The following RHOBTB1 variants were observed in gnomAD, a reference collection of about 807,000 sequenced individuals.
The protein encoded by RHOBTB1 is rho-related BTB domain-containing protein 1.
Under a neutral mutation model 71.6 loss-of-function variants are expected in RHOBTB1, and 40 were observed. The ratio of observed to expected loss-of-function variants is 0.56; its 90% confidence interval spans 0.43 to 0.73. RHOBTB1 has a LOEUF of 0.73. RHOBTB1 is among the 30% of genes least tolerant of loss of function. The pLI, the probability that RHOBTB1 is intolerant of heterozygous loss-of-function variation, is 0.00. For missense variants in RHOBTB1, 797 were observed against 894.0 expected, an observed-to-expected ratio of 0.89 and a Z score of 1.38; for synonymous variants, 319 against 334.9, an observed-to-expected ratio of 0.95 and a Z score of 0.52.
intron 2 of RHOBTB1, among the ~76,000 whole-genome samples, chr10:60,922,189 G>T (rs953514770): frequency 1.1e-4 from 16 of 151,968 alleles, no homozygotes; most frequent in Non-Finnish European, 1.9e-4. Context: ...TCACTACTTC[G>T]CTGGAAAAGA....
At chr10:60,960,081 C>G (rs2085726852) in intron 2 of RHOBTB1, among the ~76,000 whole-genome samples, 1 of 152,106 alleles carries the variant, frequency 6.6e-6, no homozygotes, top group Non-Finnish European at 1.5e-5. Flanking sequence ...GTGTATCCTG[C>G]CTATCATCAC....
At chr10:60,943,545 G>C (rs1778446972) in intron 1 of RHOBTB1, among the ~76,000 whole-genome samples, 1 of 152,172 alleles carries the variant, frequency 6.6e-6, no homozygotes, top group Non-Finnish European at 1.5e-5. Context: ...TCAAGAGGGT[G>C]CAAGCGCCAA....
intron 7 of RHOBTB1, among the ~76,000 whole-genome samples, chr10:60,882,833 C>T (rs191039152): frequency 2.1e-4 from 32 of 152,164 alleles, no homozygotes; most frequent in South Asian, 4.2e-4. Flanking sequence ...TAGAGCTTTC[C>T]GGGGACAAAT....
chr10:60,935,066 C>T (rs1266995052), intron 2 of RHOBTB1, among the ~76,000 whole-genome samples: 1 of 152,122 alleles, frequency 6.6e-6, no homozygotes, highest in Non-Finnish European at 1.5e-5. Flanking sequence ...CTATCCAAAA[C>T]AGCCAACAAC....
downstream of RHOBTB1, among the ~76,000 whole-genome samples, chr10:60,868,560 A>G (rs2080653802): frequency 6.6e-6 from 1 of 152,202 alleles, no homozygotes; most frequent in South Asian, 2.1e-4. Flanking sequence ...GCATGAAAAA[A>G]TCTCTTAGAA....
intron 1 of RHOBTB1, among the ~76,000 whole-genome samples, chr10:60,999,694 A>G (rs1172810003): frequency 3.9e-5 from 6 of 152,240 alleles, no homozygotes; most frequent in African/African-American, 1.2e-4. Flanking sequence ...GCCAAGAGGC[A>G]TATTTCATGG....
chr10:60,953,108 A>G (rs1396431171), intron 2 of RHOBTB1, among the ~76,000 whole-genome samples: 1 of 152,210 alleles, frequency 6.6e-6, no homozygotes, highest in African/African-American at 2.4e-5. Flanking sequence ...GTCATGCGGA[A>G]AAACACACAG....
At chr10:60,971,567 C>T (rs980744420) in intron 2 of RHOBTB1, among the ~76,000 whole-genome samples, 3 of 152,022 alleles carry the variant, frequency 2.0e-5, no homozygotes, top group Non-Finnish European at 4.4e-5. Context: ...AAGACTTAAA[C>T]ATAAGACCTA....
At chr10:60,911,271 G>T (rs887627007) in intron 3 of RHOBTB1, 80 bp downstream of exon 3, 2 of 1,344,626 alleles carry the variant, frequency 1.5e-6, no homozygotes, top group South Asian at 1.4e-5. Flanking sequence ...ATTTATCCAC[G>T]CTCCTCCTTT....
At chr10:60,931,488 T>C (rs186488199) in intron 2 of RHOBTB1, among the ~76,000 whole-genome samples, 63 of 152,312 alleles carry the variant, frequency 4.1e-4, no homozygotes, top group African/African-American at 1.5e-3. Flanking sequence ...TCAATTTTCA[T>C]CCATATTGTA....
At chr10:60,946,672 T>G (rs2085248305), upstream of RHOBTB1, among the ~76,000 whole-genome samples, 1 of 152,146 alleles carries the variant, frequency 6.6e-6, no homozygotes, top group South Asian at 2.1e-4. Flanking sequence ...TTCTCAGTTC[T>G]AAGTTAAAAA....
Position 60,911,415 on chromosome 10 carries a change from T to C in RHOBTB1, c.128A>G (p.Tyr43Cys). The C allele has an allele frequency of 6.2e-7, 1 of 1,614,192 alleles. No individual in the cohort carries two copies. Among genetic ancestry groups the C allele is most frequent in the Middle Eastern group, 1.6e-4 (1 of 6,062 alleles). ...TGGCACGTGGGTGGCCAGCAGCTGA[T>C]ACTGCGTGAGTGTGGTGTTGCACGC... ...ARACNTTLTQ[Y>C]QLLATHVPTV... is the part of the protein sequence containing the mutation. The change falls in exon 3 of 11, where the codon TAT becomes TGT. Residue 43 changes from tyrosine to cysteine, a missense_variant. By Grantham distance (194) the Tyr-to-Cys change is radical. Coordinates refer to ENST00000337910, the MANE Select transcript of RHOBTB1 (RefSeq NM_014836.5).
At chr10:60,949,864 T>C (rs1418843676) in intron 2 of RHOBTB1, among the ~76,000 whole-genome samples, 2 of 152,176 alleles carry the variant, frequency 1.3e-5, no homozygotes, top group East Asian at 3.8e-4. Flanking sequence ...TCTATTTTAC[T>C]GGGCACCAAT....
chr10:60,882,380 T>G (rs1184710454), intron 7 of RHOBTB1, among the ~76,000 whole-genome samples: 8 of 152,178 alleles, frequency 5.3e-5, no homozygotes, highest in African/African-American at 9.7e-5. Flanking sequence ...CATTGCTTAC[T>G]ACAACCCAGG....
intron 1 of RHOBTB1, among the ~76,000 whole-genome samples, chr10:60,991,127 C>T (rs2086848762): frequency 6.6e-6 from 1 of 152,198 alleles, no homozygotes; most frequent in African/African-American, 2.4e-5. Context: ...ATCACTATCT[C>T]TCTACTGAAA....
At chr10:60,917,629 G>A (rs2133608007) in intron 2 of RHOBTB1, among the ~76,000 whole-genome samples, 1 of 152,226 alleles carries the variant, frequency 6.6e-6, no homozygotes, top group Non-Finnish European at 1.5e-5. Flanking sequence ...ATCTCATCAT[G>A]GGGCTCCACC....
chr10:60,902,705 C>A (rs1250921776), intron 4 of RHOBTB1, among the ~76,000 whole-genome samples: 1 of 152,142 alleles, frequency 6.6e-6, no homozygotes, highest in Admixed American at 6.5e-5. Flanking sequence ...GGCTAAGCAC[C>A]AGTATTTTCC....
intron 4 of RHOBTB1, among the ~76,000 whole-genome samples, chr10:60,909,944 G>A (rs76858454): frequency 0.04 from 6,116 of 152,180 alleles, 234 homozygotes; most frequent in African/African-American, 0.097. Flanking sequence ...ATAAAAGTCC[G>A]TTCAAAGAGC....
At chr10:60,881,069 C>A (rs2081307161) in intron 7 of RHOBTB1, among the ~76,000 whole-genome samples, 1 of 152,192 alleles carries the variant, frequency 6.6e-6, no homozygotes, top group Non-Finnish European at 1.5e-5. Flanking sequence ...TGGTTCCCCC[C>A]AGACTATTCT....
Sources: gnomAD v4.1 joint callset for allele counts (sites outside exome capture counted in the v4.1 genomes callset) on GRCh38, gnomAD v4.1.1 for gene constraint, MANE v1.5 for transcripts, NCBI Gene and HGNC (gene_info 2026-07-23, HGNC 2026-07-21) for gene names.